Variants in SPAG16 observed in about 807,000 individuals in gnomAD.
SPAG16 encodes sperm-associated antigen 16 protein.
In SPAG16, 86 loss-of-function variants were observed where a neutral mutation model predicts 80.4. That is an observed-to-expected ratio of 1.07 (90% CI 0.90 to 1.28). The LOEUF (loss-of-function observed/expected upper bound fraction) is 1.28, where lower values mean the gene tolerates loss of function less well. SPAG16 is among the 50% of genes most tolerant of loss of function. The pLI, the probability that SPAG16 is intolerant of heterozygous loss-of-function variation, is 0.00. For missense variants in SPAG16, 870 were observed against 765.3 expected, an observed-to-expected ratio of 1.14 and a Z score of -1.61; for synonymous variants, 294 against 265.9, an observed-to-expected ratio of 1.11 and a Z score of -1.03.
At chr2:214,069,690 C>G (rs2050695240) in intron 13 of SPAG16, among the ~76,000 whole-genome samples, 1 of 151,986 alleles carries the variant, frequency 6.6e-6, no homozygotes, top group Non-Finnish European at 1.5e-5. Context: ...TAAGCTTGTT[C>G]CCTTCTGTCA....
At chr2:213,509,544 G>C (rs2075132629) in intron 10 of SPAG16, among the ~76,000 whole-genome samples, 2 of 152,088 alleles carry the variant, frequency 1.3e-5, no homozygotes, top group African/African-American at 2.4e-5. Flanking sequence ...TGATAGACTA[G>C]AAAGATAAAT....
intron 10 of SPAG16, among the ~76,000 whole-genome samples, chr2:213,675,611 C>A (rs2064024258): frequency 6.6e-6 from 1 of 152,196 alleles, no homozygotes; most frequent in Admixed American, 6.5e-5. Context: ...TATGGCCAGC[C>A]AGTTTTCCCA....
chr2:213,763,063 C>T (rs1363585339), intron 10 of SPAG16, among the ~76,000 whole-genome samples: 1 of 152,096 alleles, frequency 6.6e-6, no homozygotes, highest in African/African-American at 2.4e-5. Flanking sequence ...CAGAGAAATG[C>T]AAGTCAAAAC....
intron 4 of SPAG16, 69 bp downstream of exon 4, chr2:213,310,246 T>TATG: frequency 1.8e-6 from 2 of 1,102,244 alleles, no homozygotes; most frequent in Non-Finnish European, 1.3e-6. Context: ...TTTAAGTGTC[T>TATG]TAGGAGACTT....
chr2:213,784,709 A>G (rs1394214579), intron 10 of SPAG16, among the ~76,000 whole-genome samples: 3 of 151,532 alleles, frequency 2.0e-5, no homozygotes, highest in Non-Finnish European at 4.4e-5. Context: ...AAGAGATTCC[A>G]ATATAATGGA....
intron 12 of SPAG16, among the ~76,000 whole-genome samples, chr2:213,988,951 T>C (rs2106443924): frequency 6.6e-6 from 1 of 152,212 alleles, no homozygotes; most frequent in Non-Finnish European, 1.5e-5. Flanking sequence ...TTCAGTTGTG[T>C]AGAATGTGGA....
At chr2:213,862,361 G>A in intron 10 of SPAG16, 124 bp from the exon 11 acceptor site, 1 of 1,208,630 alleles carries the variant, frequency 8.3e-7, no homozygotes, top group Non-Finnish European at 1.2e-6. Flanking sequence ...TTATTTTGGG[G>A]CCAGTACTCT....
intron 10 of SPAG16, among the ~76,000 whole-genome samples, chr2:213,657,911 T>C (rs1689863324): frequency 1.3e-5 from 2 of 152,142 alleles, no homozygotes; most frequent in South Asian, 4.1e-4. Flanking sequence ...CTACCTGTAG[T>C]TTTTCCTATA....
At chr2:213,597,176 T>G (rs1005742188) in intron 10 of SPAG16, among the ~76,000 whole-genome samples, 4 of 152,200 alleles carry the variant, frequency 2.6e-5, no homozygotes, top group Non-Finnish European at 4.4e-5. Flanking sequence ...TGCCTAAATC[T>G]AATTTATTTT....
intron 10 of SPAG16, among the ~76,000 whole-genome samples, chr2:213,761,808 G>T (rs1331993959): frequency 6.6e-6 from 1 of 152,170 alleles, no homozygotes; most frequent in African/African-American, 2.4e-5. Context: ...AGAGGTTGCA[G>T]TGAGCCGAGA....
At chr2:213,465,132 G>GT (rs1260149012) in intron 9 of SPAG16, among the ~76,000 whole-genome samples, 1 of 152,164 alleles carries the variant, frequency 6.6e-6, no homozygotes, top group Non-Finnish European at 1.5e-5. Flanking sequence ...ATAATAGTCT[G>GT]TTAATTTCCC....
intron 15 of SPAG16, among the ~76,000 whole-genome samples, chr2:214,151,682 T>C (rs2055980039): frequency 6.6e-6 from 1 of 152,122 alleles, no homozygotes; most frequent in Non-Finnish European, 1.5e-5. Flanking sequence ...TAACCATTTT[T>C]TCTAGTCAAA....
intron 15 of SPAG16, among the ~76,000 whole-genome samples, chr2:214,269,195 A>C (rs953268774): frequency 2.6e-5 from 4 of 152,018 alleles, no homozygotes; most frequent in African/African-American, 9.7e-5. Context: ...TATCATAATC[A>C]AGGGAATTGC....
intron 1 of SPAG16, among the ~76,000 whole-genome samples, chr2:213,294,072 TC>T (rs983220958): frequency 5.9e-5 from 9 of 152,126 alleles, no homozygotes; most frequent in Non-Finnish European, 7.4e-5. Context: ...TTGATGAACA[TC>T]CCCCCATTTT....
At chr2:213,795,452 A>G (rs1222092727) in intron 10 of SPAG16, among the ~76,000 whole-genome samples, 4 of 152,336 alleles carry the variant, frequency 2.6e-5, no homozygotes, top group African/African-American at 9.6e-5. Context: ...TCTACTTAGC[A>G]TCAATATATC....
intron 6 of SPAG16, among the ~76,000 whole-genome samples, chr2:213,345,609 T>G (rs1476037875): frequency 7.4e-6 from 1 of 135,018 alleles, no homozygotes; most frequent in South Asian, 2.7e-4. Context: ...GGCTAGCCAG[T>G]TTTCCCAGCA....
chr2:214,269,850 C>A (rs1219917400), intron 15 of SPAG16, among the ~76,000 whole-genome samples: 1 of 152,130 alleles, frequency 6.6e-6, no homozygotes, highest in Non-Finnish European at 1.5e-5. Context: ...ACCTCTGAAT[C>A]ATGGGGGTCA....
chr2:214,060,656 T>A (rs1177480964), intron 13 of SPAG16, among the ~76,000 whole-genome samples: 1 of 152,122 alleles, frequency 6.6e-6, no homozygotes, highest in African/African-American at 2.4e-5. Flanking sequence ...ATTGGAATAT[T>A]TAGCACTGTA....
Position 214,341,114 on chromosome 2 carries a change from A to G in SPAG16, c.1721-69026A>G, listed in dbSNP as rs143528768. ...TTTTTTGCATAGTGCCTAAAAGGGA[A>G]CAACTTGAAAAAGAAAGAACCGTCC... is the stretch of plus-strand genomic sequence containing the variant. On this transcript the variant is annotated intron_variant, in intron 15 of 15. Transcript: ENST00000331683. Among the ~76,000 whole-genome samples the G allele has an allele frequency of 2.0e-3, 303 of 152,314 alleles. 1 individual carries two copies. Among genetic ancestry groups the G allele is most frequent in the African/African-American group, 6.8e-3 (281 of 41,570 alleles).
Sources: allele counts gnomAD v4.1 joint callset (sites outside exome capture counted in the v4.1 genomes callset), GRCh38; gene constraint gnomAD v4.1.1; transcripts MANE v1.5; gene names NCBI Gene and HGNC (gene_info 2026-07-23, HGNC 2026-07-21).